The following CRHR2 variants were observed in gnomAD, a reference collection of about 807,000 sequenced individuals.
CRHR2 encodes corticotropin releasing hormone receptor 2.
A neutral mutation model predicts 57.9 loss-of-function variants in CRHR2; 53 were observed. The ratio of observed to expected loss-of-function variants is 0.92; its 90% confidence interval spans 0.73 to 1.15. The LOEUF (loss-of-function observed/expected upper bound fraction) is 1.15, where lower values mean the gene tolerates loss of function less well. Among genes scored for constraint, CRHR2 ranks in the 50% most tolerant of loss-of-function variants. The pLI is 0.00. For missense variants in CRHR2, 532 were observed against 542.6 expected, an observed-to-expected ratio of 0.98 and a Z score of 0.19; for synonymous variants, 213 against 220.9, an observed-to-expected ratio of 0.96 and a Z score of 0.32.
In CRHR2 at chr7:30,665,062, G is replaced by A. The variant is rs1373109128; in HGVS notation, c.543+8C>T. The A allele has an allele frequency of 1.9e-6, 3 of 1,611,896 alleles. No individual in the cohort carries two copies. Among genetic ancestry groups the A allele is most frequent in the East Asian group, 4.5e-5 (2 of 44,860 alleles). On this transcript the variant is annotated splice_region_variant and intron_variant, in intron 5 of 11. Coordinates refer to ENST00000471646, the MANE Select transcript of CRHR2 (RefSeq NM_001883.5). The surrounding 1 kb of genome is among the most constrained non-coding windows in gnomAD (Gnocchi z 4.5). ...CAGGTATAGCCCCGAGTCTCCCCGA[G>A]CAATGACCTCATTGCTCTCGTGCAC...
intron 7 of CRHR2, 28 bp from the exon 8 acceptor site, chr7:30,660,673 C>A: frequency 6.4e-7 from 1 of 1,552,256 alleles, no homozygotes; most frequent in Non-Finnish European, 8.7e-7. Flanking sequence ...CTGTAGGGGG[C>A]CTCCTGAGCT....
chr7:30,693,664 G>A (rs886561145), intron 1 of CRHR2, among the ~76,000 whole-genome samples: 6 of 152,232 alleles, frequency 3.9e-5, no homozygotes, highest in South Asian at 2.1e-4. Flanking sequence ...CTGTCGGTTG[G>A]GAGAATGAGA....
At chr7:30,675,238 C>T (rs1784480989) in intron 2 of CRHR2, among the ~76,000 whole-genome samples, 1 of 152,294 alleles carries the variant, frequency 6.6e-6, no homozygotes, top group South Asian at 2.1e-4. Context: ...AGCCAAGAAG[C>T]CCTGTGGGGA....
intron 1 of CRHR2, chr7:30,699,803 G>A: frequency 1.7e-6 from 1 of 603,016 alleles, no homozygotes; most frequent in South Asian, 2.4e-5. Flanking sequence ...CCAGGCACGG[G>A]ATCTCCAATT....
intron 2 of CRHR2, chr7:30,688,747 A>C: frequency 2.2e-6 from 1 of 454,292 alleles, no homozygotes; most frequent in South Asian, 1.6e-5. Flanking sequence ...TGACCCTGTG[A>C]ATCAGCCACT....
At chr7:30,690,776 G>A (rs986416452) in intron 1 of CRHR2, among the ~76,000 whole-genome samples, 7 of 152,128 alleles carry the variant, frequency 4.6e-5, no homozygotes, top group South Asian at 2.1e-4. Flanking sequence ...CACCCCTCCC[G>A]GAAGCCTAGG....
At chr7:30,693,893 G>A (rs960229158) in intron 1 of CRHR2, among the ~76,000 whole-genome samples, 1 of 152,202 alleles carries the variant, frequency 6.6e-6, no homozygotes. Flanking sequence ...GAAATGGAAT[G>A]TTTTCCTGTT....
At chr7:30,667,137 A>G (rs1784210443) in intron 3 of CRHR2, 91 bp downstream of exon 3, 3 of 1,132,658 alleles carry the variant, frequency 2.6e-6, no homozygotes, top group Non-Finnish European at 4.0e-6. Context: ...TGACAAAAGG[A>G]CTGGTCTGCC....
At position 30,656,606 on chromosome 7, in the gene CRHR2, C is replaced by CTG. The variant is rs1170181188; in HGVS notation, c.832-596_832-595dup. Among the ~76,000 whole-genome samples the CTG allele has an allele frequency of 2.6e-5, 4 of 152,198 alleles. No homozygotes were observed. Among genetic ancestry groups the CTG allele is most frequent in the Admixed American group, 1.3e-4 (2 of 15,278 alleles). On this transcript the variant is annotated intron_variant, in intron 8 of 11. Coordinates refer to ENST00000471646, the MANE Select transcript of CRHR2 (RefSeq NM_001883.5). The surrounding 1 kb of genome is among the most constrained non-coding windows in gnomAD (Gnocchi z 4.4). Reference sequence around the variant, plus strand: ...ACCCTAGACAGGGAAGATGGATGGGCTGTGGGGCTGGCTCTGAGGCCCCAG... The same window carrying CTG: ...ACCCTAGACAGGGAAGATGGATGGGCTGTGTGGGGCTGGCTCTGAGGCCCCAG...
chr7:30,657,773 C>G (rs1783843033), intron 8 of CRHR2, among the ~76,000 whole-genome samples: 1 of 152,106 alleles, frequency 6.6e-6, no homozygotes, highest in African/African-American at 2.4e-5. Flanking sequence ...TCCGTCCATC[C>G]ATCCATCCAT....
chr7:30,662,905 C>T (rs920831396), intron 5 of CRHR2, 58 bp from the exon 6 acceptor site: 3 of 1,581,508 alleles, frequency 1.9e-6, no homozygotes, highest in African/African-American at 2.7e-5. Context: ...TAGGACATAC[C>T]CATCCCCAGG....
At chr7:30,663,769 C>T (rs925061649) in intron 5 of CRHR2, among the ~76,000 whole-genome samples, 3 of 152,240 alleles carry the variant, frequency 2.0e-5, no homozygotes, top group Non-Finnish European at 2.9e-5. Context: ...TCATCTTCCC[C>T]ACAGGCTCAT....
At chr7:30,690,831 G>A (rs1459373960) in intron 1 of CRHR2, among the ~76,000 whole-genome samples, 1 of 152,152 alleles carries the variant, frequency 6.6e-6, no homozygotes, top group Non-Finnish European at 1.5e-5. Context: ...CCTGTGTTCT[G>A]CCAAACTCCC....
chr7:30,662,137 G>T lies in CRHR2; in HGVS notation c.758+19C>A. ...CATTCCCTTCCCCATGACCCCCCAT[G>T]GCTGGCCCATCCACTTACTGTTCAT... is the stretch of plus-strand genomic sequence containing the variant. On this transcript the variant is annotated intron_variant, in intron 7 of 11. Coordinates refer to ENST00000471646, the MANE Select transcript of CRHR2 (RefSeq NM_001883.5). 1 of 1,613,466 alleles carries T rather than the reference G, an allele frequency of 6.2e-7. No homozygotes were observed. Among genetic ancestry groups the T allele is most frequent in the Non-Finnish European group, 8.5e-7 (1 of 1,179,704 alleles).
At chr7:30,671,825 GATGATGATGATGATGATA>G (rs1460819559) in intron 2 of CRHR2, among the ~76,000 whole-genome samples, 2 of 148,488 alleles carry the variant, frequency 1.3e-5, no homozygotes, top group East Asian at 2.0e-4. Context: ...TGATGATGAT[GATGATGATGATGATGATA>G]ATGATGATGA....
At chr7:30,660,748 A>T in intron 7 of CRHR2, 103 bp from the exon 8 acceptor site, 1 of 1,104,420 alleles carries the variant, frequency 9.1e-7, no homozygotes, top group Non-Finnish European at 1.3e-6. Flanking sequence ...CTGAGACCCA[A>T]TCTCCAGGAC....
At chr7:30,669,224 A>C (rs1402340139) in intron 2 of CRHR2, among the ~76,000 whole-genome samples, 1 of 152,108 alleles carries the variant, frequency 6.6e-6, no homozygotes, top group Non-Finnish European at 1.5e-5. Flanking sequence ...GCTCAGTGCT[A>C]GGCCCCTTCC....
chr7:30,675,010 A>G (rs1784474002), intron 2 of CRHR2, among the ~76,000 whole-genome samples: 1 of 152,142 alleles, frequency 6.6e-6, no homozygotes, highest in South Asian at 2.1e-4. Flanking sequence ...GAAAACTGGG[A>G]CTTGGACAAG....
At chr7:30,684,485 G>C (rs1184551876), upstream of CRHR2, among the ~76,000 whole-genome samples, 2 of 152,230 alleles carry the variant, frequency 1.3e-5, no homozygotes, top group Non-Finnish European at 2.9e-5. Flanking sequence ...CCAGAGGCCA[G>C]GGACTTCTCA....
Sources: allele counts gnomAD v4.1 joint callset (sites outside exome capture counted in the v4.1 genomes callset), GRCh38; gene constraint gnomAD v4.1.1; non-coding constraint Gnocchi (gnomAD v3.1); transcripts MANE v1.5; gene names NCBI Gene and HGNC (gene_info 2026-07-23, HGNC 2026-07-21).